The following GALNT17 variants were observed in gnomAD, a reference collection of about 807,000 sequenced individuals.
GALNT17 encodes the protein polypeptide N-acetylgalactosaminyltransferase 17.
A neutral mutation model predicts 63.7 loss-of-function variants in GALNT17; 29 were observed. The observed-to-expected ratio is 0.46, with a 90% confidence interval of 0.34 to 0.62. The LOEUF (loss-of-function observed/expected upper bound fraction) is 0.62, where lower values mean the gene tolerates loss of function less well. Ranked by LOEUF, GALNT17 falls within the 20% of genes least tolerant of loss-of-function variation. GALNT17 has a pLI of 0.01. For missense variants in GALNT17, 603 were observed against 799.6 expected (o/e 0.75, Z 2.97); for synonymous variants, 305 against 318.3 (o/e 0.96, Z 0.45).
chr7:71,273,589 G>A (rs7794178), intron 1 of GALNT17, among the ~76,000 whole-genome samples: 85,476 of 152,040 alleles, frequency 0.56, 25,085 homozygotes, highest in East Asian at 0.81. Context: ...ATTCCTGTTT[G>A]TGGTCTCCAG....
At chr7:71,544,522 A>G (rs187212446) in intron 5 of GALNT17, among the ~76,000 whole-genome samples, 8 of 152,252 alleles carry the variant, frequency 5.3e-5, no homozygotes, top group East Asian at 1.9e-4. Context: ...GCAGCTAGCA[A>G]TCTATTCTTT....
intron 6 of GALNT17, among the ~76,000 whole-genome samples, chr7:71,648,246 C>T (rs1488685879): frequency 6.6e-6 from 1 of 152,032 alleles, no homozygotes; most frequent in Non-Finnish European, 1.5e-5. Flanking sequence ...CAACAACCCT[C>T]AGATCAGCTG....
intron 1 of GALNT17, among the ~76,000 whole-genome samples, chr7:71,189,014 TAGACA>T (rs1788903063): frequency 6.6e-6 from 1 of 152,178 alleles, no homozygotes; most frequent in Admixed American, 6.6e-5. Flanking sequence ...AGGGGAAGAC[TAGACA>T]AAAGAGCTTG....
At chr7:71,329,752 A>C (rs555695909) in intron 1 of GALNT17, among the ~76,000 whole-genome samples, 1 of 151,886 alleles carries the variant, frequency 6.6e-6, no homozygotes, top group East Asian at 1.9e-4. Context: ...GGGAAATTCG[A>C]CCCCATGATG....
At chr7:71,692,434 A>G (rs999081953) in intron 9 of GALNT17, among the ~76,000 whole-genome samples, 1 of 152,166 alleles carries the variant, frequency 6.6e-6, no homozygotes, top group Non-Finnish European at 1.5e-5. Context: ...TCTGAAGGAC[A>G]AGGAGGGGGA....
intron 5 of GALNT17, among the ~76,000 whole-genome samples, chr7:71,506,695 G>A (rs137888624): frequency 7.9e-4 from 120 of 152,300 alleles, no homozygotes; most frequent in African/African-American, 2.4e-3. Context: ...GGTAGTTAGC[G>A]TGTCTATCAT....
intron 6 of GALNT17, among the ~76,000 whole-genome samples, chr7:71,648,242 C>T (rs1196954312): frequency 6.6e-6 from 1 of 152,064 alleles, no homozygotes; most frequent in Non-Finnish European, 1.5e-5. Flanking sequence ...TTCACAACAA[C>T]CCTCAGATCA....
chr7:71,297,967 A>G (rs1466363591), intron 1 of GALNT17, among the ~76,000 whole-genome samples: 1 of 152,192 alleles, frequency 6.6e-6, no homozygotes, highest in African/African-American at 2.4e-5. Context: ...TTTGGATGGT[A>G]GCTACACAAC....
chr7:71,535,643 T>G (rs1408652482), intron 5 of GALNT17, among the ~76,000 whole-genome samples: 1 of 152,238 alleles, frequency 6.6e-6, no homozygotes, highest in Non-Finnish European at 1.5e-5. Flanking sequence ...AATGTGATGC[T>G]TCCCTCTAAC....
intron 9 of GALNT17, among the ~76,000 whole-genome samples, chr7:71,683,463 C>G (rs1366747867): frequency 9.2e-5 from 14 of 152,170 alleles, no homozygotes; most frequent in Admixed American, 9.2e-4. Flanking sequence ...ATTGGTGCTC[C>G]ACGGACATCG....
intron 6 of GALNT17, among the ~76,000 whole-genome samples, chr7:71,648,948 T>C (rs752013780): frequency 2.8e-4 from 43 of 152,214 alleles, no homozygotes; most frequent in Non-Finnish European, 5.6e-4. Context: ...ACAAAAGGGT[T>C]TGTGGAAAGC....
At chr7:71,617,314 G>GC (rs138844193) in intron 6 of GALNT17, among the ~76,000 whole-genome samples, 1 of 149,356 alleles carries the variant, frequency 6.7e-6, no homozygotes, top group Non-Finnish European at 1.5e-5. Flanking sequence ...CAGGGGCGGG[G>GC]GGGGTTGGTT....
chr7:71,480,901 C>A (rs1282706235), intron 5 of GALNT17, among the ~76,000 whole-genome samples: 2 of 152,150 alleles, frequency 1.3e-5, no homozygotes, highest in African/African-American at 4.8e-5. Context: ...TTCAAACCTA[C>A]TAGAGATTTT....
intron 5 of GALNT17, among the ~76,000 whole-genome samples, chr7:71,557,072 G>A (rs1431612448): frequency 8.7e-6 from 1 of 115,388 alleles, no homozygotes; most frequent in Non-Finnish European, 1.8e-5. Flanking sequence ...TTTTTTTTTT[G>A]GGGAGAGATA....
chr7:71,180,312 G>A (rs1788713502), intron 1 of GALNT17, among the ~76,000 whole-genome samples: 1 of 151,994 alleles, frequency 6.6e-6, no homozygotes, highest in Admixed American at 6.6e-5. Flanking sequence ...TTTTAGTAGA[G>A]ACGGGGTTTC....
At chr7:71,336,463 CATAG>C (rs1368908768) in intron 2 of GALNT17, among the ~76,000 whole-genome samples, 3 of 152,082 alleles carry the variant, frequency 2.0e-5, no homozygotes, top group Admixed American at 6.6e-5. Flanking sequence ...CAGATAACAC[CATAG>C]ATAGTTTCTT....
intron 1 of GALNT17, among the ~76,000 whole-genome samples, chr7:71,183,573 G>A (rs1788774653): frequency 6.6e-6 from 1 of 151,998 alleles, no homozygotes; most frequent in Admixed American, 6.6e-5. Context: ...ATTCCCCATG[G>A]AGATCCCCCG....
At chr7:71,503,119 A>G (rs1441826025) in intron 5 of GALNT17, among the ~76,000 whole-genome samples, 1 of 152,196 alleles carries the variant, frequency 6.6e-6, no homozygotes, top group Non-Finnish European at 1.5e-5. Flanking sequence ...GTCCACAGCT[A>G]TTAAATGCTG....
intron 2 of GALNT17, among the ~76,000 whole-genome samples, chr7:71,372,847 G>T (rs2527304): frequency 0.044 from 6,690 of 152,144 alleles, 514 homozygotes; most frequent in African/African-American, 0.15. Context: ...CACACGATGG[G>T]GAAAAGCTGA....
Sources: allele counts gnomAD v4.1 joint callset (sites outside exome capture counted in the v4.1 genomes callset), GRCh38; gene constraint gnomAD v4.1.1; transcripts MANE v1.5; gene names NCBI Gene and HGNC (gene_info 2026-07-23, HGNC 2026-07-21).